Variants in EIF4E3 observed in about 807,000 individuals in gnomAD.
The protein encoded by EIF4E3 is eukaryotic translation initiation factor 4E family member 3.
EIF4E3 carries 26 observed loss-of-function variants against 31.7 expected under a neutral mutation model. That is an observed-to-expected ratio of 0.82 (90% CI 0.60 to 1.14). The LOEUF (loss-of-function observed/expected upper bound fraction) is 1.14, where lower values mean the gene tolerates loss of function less well. Among genes scored for constraint, EIF4E3 ranks in the 50% most tolerant of loss-of-function variants. The probability of loss-of-function intolerance (pLI) is 0.00; values close to 1 mark genes in which losing one functional copy is unlikely to be tolerated. For missense variants in EIF4E3, 304 were observed against 270.9 expected (o/e 1.12, Z -0.86); for synonymous variants, 128 against 107.7 (o/e 1.19, Z -1.17).
chr3:71,689,992 T>C lies in EIF4E3; in HGVS notation c.628+18A>G. ...ATAGAGTAAGCTAGAAAGTAATAACTGGAAATGAAGCACTTACGTTTATAA... is the reference window on the plus strand; with the variant it reads ...ATAGAGTAAGCTAGAAAGTAATAACCGGAAATGAAGCACTTACGTTTATAA... On this transcript the variant is annotated intron_variant, in intron 6 of 6. Coordinates refer to ENST00000425534, the MANE Select transcript of EIF4E3 (RefSeq NM_001134651.2). 1 of 1,586,824 alleles carries C rather than the reference T, an allele frequency of 6.3e-7. No individual in the cohort carries two copies. Among genetic ancestry groups the C allele is most frequent in the African/African-American group, 1.4e-5 (1 of 73,598 alleles).
rs531548273 is a variant in EIF4E3, at chr3:71,679,480, C to T, written c.*5202G>A. 2 of 152,248 alleles carry T rather than the reference C, an allele frequency of 1.3e-5. No individual in the cohort carries two copies. The highest frequency in any genetic ancestry group is 4.1e-4 in the South Asian group (2 of 4,824). The allele number at this position is 152,248 out of a possible 1,614,324, so 9.4% of individuals were successfully genotyped here. ...CAGCAACCAAAACAAAAACATTTAA[C>T]ACAGATTCCTTCAATCTCATGATTT... On this transcript the variant is annotated 3_prime_UTR_variant, in exon 7 of 7. Coordinates refer to ENST00000425534, the MANE Select transcript of EIF4E3 (RefSeq NM_001134651.2).
At chr3:71,705,285 G>A (rs958760525) in intron 2 of EIF4E3, among the ~76,000 whole-genome samples, 1 of 152,136 alleles carries the variant, frequency 6.6e-6, no homozygotes, top group African/African-American at 2.4e-5. Context: ...CATTTCCCAA[G>A]GGTTTGGAAA....
chr3:71,710,472 A>G lies in EIF4E3; in HGVS notation c.189T>C (p.Gly63=). The G allele has an allele frequency of 6.4e-7, 1 of 1,552,140 alleles. No homozygotes were observed. Among genetic ancestry groups the G allele is most frequent in the East Asian group, 2.4e-5 (1 of 40,916 alleles). Residue 63 remains glycine, a synonymous_variant, in exon 2 of 7, where the codon GGT becomes GGC. Coordinates refer to ENST00000425534, the MANE Select transcript of EIF4E3 (RefSeq NM_001134651.2). ...TTGATGCGCACTCAGCTGCTGTGGC[A>G]CCAGGGAGGGATCTAGGCAAGCAGG... ...WTFWLDRSLP[G]ATAAECASNL...
chr3:71,701,435 T>C (rs1023841738), intron 2 of EIF4E3, among the ~76,000 whole-genome samples: 2 of 152,132 alleles, frequency 1.3e-5, no homozygotes, highest in Non-Finnish European at 2.9e-5. Context: ...AGGATGAGGA[T>C]TGAGGCTATG....
intron 1 of EIF4E3, among the ~76,000 whole-genome samples, chr3:71,736,371 A>G (rs137948340): frequency 6.6e-6 from 1 of 152,364 alleles, no homozygotes; most frequent in East Asian, 1.9e-4. Flanking sequence ...TGGCAGCTAC[A>G]TTCATAAATG....
At chr3:71,694,748 G>T (rs2049111473) in intron 4 of EIF4E3, among the ~76,000 whole-genome samples, 1 of 152,162 alleles carries the variant, frequency 6.6e-6, no homozygotes, top group Admixed American at 6.5e-5. Context: ...AACCAGATGG[G>T]TTAACAACCT....
chr3:71,699,838 C>T, intron 2 of EIF4E3, 130 bp from the exon 3 acceptor site: 1 of 690,468 alleles, frequency 1.4e-6, no homozygotes, highest in East Asian at 2.8e-5. Context: ...ATAGATTTTT[C>T]TCAGTATCCC....
At chr3:71,696,809 G>A (rs1316587213) in intron 3 of EIF4E3, among the ~76,000 whole-genome samples, 26 of 149,576 alleles carry the variant, frequency 1.7e-4, no homozygotes, top group African/African-American at 5.7e-4. Flanking sequence ...TCTGCCTCCC[G>A]GGTTCACGCC....
the EIF4E3 span, among the ~76,000 whole-genome samples, chr3:71,661,265 TGGAGGAGAG>T: frequency 6.6e-6 from 1 of 152,096 alleles, no homozygotes; most frequent in Non-Finnish European, 1.5e-5. Flanking sequence ...TTTACGTTTC[TGGAGGAGAG>T]GGAAGGAACA....
chr3:71,745,963 T>C (rs2049868058), intron 1 of EIF4E3, among the ~76,000 whole-genome samples: 1 of 152,060 alleles, frequency 6.6e-6, no homozygotes, highest in African/African-American at 2.4e-5. Flanking sequence ...CTTTTCGATA[T>C]TGAAAGTGTT....
At chr3:71,720,338 G>A (rs766754938) in intron 1 of EIF4E3, among the ~76,000 whole-genome samples, 1 of 152,012 alleles carries the variant, frequency 6.6e-6, no homozygotes, top group African/African-American at 2.4e-5. Flanking sequence ...TGGGACTACA[G>A]GCTCTTGCCA....
Position 71,710,402 on chromosome 3 carries a change from T to G in EIF4E3, c.249+10A>C. 6.4e-7 allele frequency: 1 copy of G among 1,551,996 alleles called. No individual in the cohort carries two copies. Among genetic ancestry groups the G allele is most frequent in the Non-Finnish European group, 8.7e-7 (1 of 1,146,986 alleles). ...CGTGTTAATCCAGTTAGTCCCTCTC[T>G]TGATCTTACCTGTACTGTCTGTACT... is the stretch of plus-strand genomic sequence containing the variant. On this transcript the variant is annotated intron_variant, in intron 2 of 6. Transcript: ENST00000425534.
At chr3:71,716,934 A>G (rs2049474432) in intron 1 of EIF4E3, among the ~76,000 whole-genome samples, 1 of 152,150 alleles carries the variant, frequency 6.6e-6, no homozygotes, top group Non-Finnish European at 1.5e-5. Flanking sequence ...ATTAAACCCC[A>G]CTTTTAAAGA....
chr3:71,722,613 C>T (rs942070520), intron 1 of EIF4E3, among the ~76,000 whole-genome samples: 2 of 152,196 alleles, frequency 1.3e-5, no homozygotes, highest in African/African-American at 4.8e-5. Flanking sequence ...CTTAACCATA[C>T]AGTCTAATTT....
intron 1 of EIF4E3, among the ~76,000 whole-genome samples, chr3:71,753,061 C>A (rs2049950714): frequency 6.6e-6 from 1 of 152,154 alleles, no homozygotes; most frequent in Non-Finnish European, 1.5e-5. Context: ...GGGGATGCTG[C>A]GGAGTCGCTG....
At position 71,682,757 on chromosome 3, in the gene EIF4E3, T is replaced by C. The variant is rs1480154389; in HGVS notation, c.*1925A>G. On this transcript the variant is annotated 3_prime_UTR_variant, in exon 7 of 7. Coordinates refer to ENST00000425534, the MANE Select transcript of EIF4E3 (RefSeq NM_001134651.2). ...CCTAACATTCCTATTTATTTTTACTTCAAAGGCTACATACATGCAAAAGTT... is the reference window on the plus strand; with the variant it reads ...CCTAACATTCCTATTTATTTTTACTCCAAAGGCTACATACATGCAAAAGTT... The C allele has an allele frequency of 2.0e-5, 3 of 152,604 alleles. No individual in the cohort carries two copies. The highest frequency in any genetic ancestry group is 4.4e-5 in the Non-Finnish European group (3 of 68,040). 9.5% of individuals were successfully genotyped at this position (152,604 alleles called of 1,614,324 possible). A position where few individuals can be genotyped will look rare whatever the true frequency, so the allele number is the denominator to read the frequency against.
At chr3:71,671,934 G>A (rs968791364), downstream of EIF4E3, among the ~76,000 whole-genome samples, 3 of 152,090 alleles carry the variant, frequency 2.0e-5, no homozygotes, top group African/African-American at 7.2e-5. Flanking sequence ...GGATGCAAGC[G>A]ATGTCCTTGG....
upstream of EIF4E3, chr3:71,729,291 GA>G (rs1375969275): frequency 6.6e-6 from 1 of 152,214 alleles, no homozygotes; most frequent in African/African-American, 2.4e-5. Context: ...TTTACCCAAT[GA>G]GGAACCTGAG....
the EIF4E3 span, among the ~76,000 whole-genome samples, chr3:71,667,683 A>G: frequency 1.3e-5 from 2 of 152,224 alleles, no homozygotes; most frequent in Admixed American, 6.5e-5. Context: ...ATACCTAGGA[A>G]TCCAACTTAC....
Sources: allele counts gnomAD v4.1 joint callset (sites outside exome capture counted in the v4.1 genomes callset), GRCh38; gene constraint gnomAD v4.1.1; transcripts MANE v1.5; gene names NCBI Gene and HGNC (gene_info 2026-07-23, HGNC 2026-07-21).